ZBTB20: variants seen among roughly 807,000 people sequenced by gnomAD.
ZBTB20 encodes the protein zinc finger and BTB domain-containing protein 20.
ZBTB20 carries 9 observed loss-of-function variants against 56.9 expected under a neutral mutation model. The ratio of observed to expected loss-of-function variants is 0.16; its 90% CI spans 0.10 to 0.28. The LOEUF (loss-of-function observed/expected upper bound fraction) is 0.28. ZBTB20 is among the 10% of genes least tolerant of loss of function. The probability of loss-of-function intolerance (pLI) is 1.00; values close to 1 mark genes in which losing one functional copy is unlikely to be tolerated. For missense variants in ZBTB20, 655 were observed against 1,003.0 expected (o/e 0.65, Z 4.69); for synonymous variants, 417 against 420.7 (o/e 0.99, Z 0.11).
At chr3:115,128,742 A>G (rs1419142680) in intron 1 of ZBTB20, among the ~76,000 whole-genome samples, 15 of 68,688 alleles carry the variant, frequency 2.2e-4, no homozygotes, top group African/African-American at 6.2e-4. Flanking sequence ...GAGGGGAGGG[A>G]AGGGGAGGGG....
chr3:114,765,351 T>G (rs1427366084), intron 5 of ZBTB20, among the ~76,000 whole-genome samples: 2 of 152,168 alleles, frequency 1.3e-5, no homozygotes, highest in Non-Finnish European at 2.9e-5. Flanking sequence ...GTATGACTTA[T>G]GCCTGTAGAG....
At chr3:114,614,055 G>T (rs1450511914) in intron 6 of ZBTB20, among the ~76,000 whole-genome samples, 1 of 152,038 alleles carries the variant, frequency 6.6e-6, no homozygotes, top group Non-Finnish European at 1.5e-5. Context: ...TTTTCTTAAG[G>T]TTACAGTGTT....
chr3:114,631,418 C>T (rs1166106539), intron 6 of ZBTB20, among the ~76,000 whole-genome samples: 4 of 59,406 alleles, frequency 6.7e-5, no homozygotes, highest in South Asian at 5.6e-4. Context: ...TTTGAGATGG[C>T]GTCTTGCTCT....
intron 2 of ZBTB20, among the ~76,000 whole-genome samples, chr3:114,987,735 T>C (rs2078608008): frequency 6.6e-6 from 1 of 152,154 alleles, no homozygotes; most frequent in African/African-American, 2.4e-5. Flanking sequence ...AATTTCTCCC[T>C]GTAGACATGA....
intron 2 of ZBTB20, among the ~76,000 whole-genome samples, chr3:115,054,297 G>A (rs1447409340): frequency 6.6e-6 from 1 of 151,996 alleles, no homozygotes; most frequent in Non-Finnish European, 1.5e-5. Context: ...GTATTTCCAG[G>A]AAAGCGCTGA....
chr3:114,945,769 TTAA>T (rs1404229312), intron 3 of ZBTB20, among the ~76,000 whole-genome samples: 3 of 145,226 alleles, frequency 2.1e-5, no homozygotes, highest in Non-Finnish European at 3.0e-5. Context: ...AAAATCACCA[TTAA>T]TAATATGCTA....
chr3:114,880,502 G>A (rs2076359810), intron 4 of ZBTB20, among the ~76,000 whole-genome samples: 1 of 152,140 alleles, frequency 6.6e-6, no homozygotes, highest in Admixed American at 6.5e-5. Flanking sequence ...ACAGCAATGT[G>A]TAAATGGTAT....
At chr3:114,991,892 T>G (rs7626459) in intron 2 of ZBTB20, among the ~76,000 whole-genome samples, 147,763 of 152,002 alleles carry the variant, frequency 0.97, 71,973 homozygotes, top group East Asian at 1. Context: ...CTTTGTTGGT[T>G]TAAAGTCTGT....
At chr3:114,683,873 A>C (rs2062148245) in intron 6 of ZBTB20, among the ~76,000 whole-genome samples, 1 of 152,134 alleles carries the variant, frequency 6.6e-6, no homozygotes, top group South Asian at 2.1e-4. Flanking sequence ...CTGAGGGACT[A>C]TGACAGGATT....
At chr3:114,742,636 A>G (rs2066694655) in intron 5 of ZBTB20, among the ~76,000 whole-genome samples, 2 of 152,236 alleles carry the variant, frequency 1.3e-5, no homozygotes, top group South Asian at 4.1e-4. Context: ...CCAAGGTTGC[A>G]TAGTAACTAA....
At chr3:114,579,501 C>T (rs1271503169) in intron 6 of ZBTB20, among the ~76,000 whole-genome samples, 1 of 149,186 alleles carries the variant, frequency 6.7e-6, no homozygotes, top group Non-Finnish European at 1.5e-5. Context: ...GGTAATAATT[C>T]AATTCAAGAA....
chr3:114,869,913 CATGTG>C (rs1239257317), intron 4 of ZBTB20, among the ~76,000 whole-genome samples: 5 of 152,098 alleles, frequency 3.3e-5, no homozygotes, highest in Non-Finnish European at 7.4e-5. Flanking sequence ...CTAAATTGGA[CATGTG>C]ATAATACATA....
intron 4 of ZBTB20, among the ~76,000 whole-genome samples, chr3:114,860,475 T>C (rs948667386): frequency 6.6e-6 from 1 of 152,164 alleles, no homozygotes; most frequent in South Asian, 2.1e-4. Context: ...GTTGTCATAA[T>C]GTAAGAAGTG....
chr3:114,810,569 G>C (rs2072446685), intron 4 of ZBTB20, among the ~76,000 whole-genome samples: 1 of 152,108 alleles, frequency 6.6e-6, no homozygotes, highest in Non-Finnish European at 1.5e-5. Flanking sequence ...AGCACTCCCG[G>C]CTAAAACACT....
At chr3:114,639,758 T>C (rs1194916927) in intron 6 of ZBTB20, among the ~76,000 whole-genome samples, 1 of 152,064 alleles carries the variant, frequency 6.6e-6, no homozygotes, top group Non-Finnish European at 1.5e-5. Flanking sequence ...TCCCTCTCTG[T>C]CTCTATCATT....
chr3:115,053,688 AAT>A (rs1423043491), intron 2 of ZBTB20, among the ~76,000 whole-genome samples: 1 of 152,134 alleles, frequency 6.6e-6, no homozygotes, highest in Non-Finnish European at 1.5e-5. Context: ...TTCTTTCTAT[AAT>A]TTAAGAATTT....
At chr3:115,081,996 A>G (rs1268701187) in intron 1 of ZBTB20, among the ~76,000 whole-genome samples, 1 of 152,192 alleles carries the variant, frequency 6.6e-6, no homozygotes, top group Non-Finnish European at 1.5e-5. Context: ...TATATTCACA[A>G]GTGGCTTCTG....
chr3:114,934,826 T>G (rs1353910062), intron 3 of ZBTB20, among the ~76,000 whole-genome samples: 1 of 152,240 alleles, frequency 6.6e-6, no homozygotes, highest in Non-Finnish European at 1.5e-5. Flanking sequence ...TACTGGCTTT[T>G]AACATATAAT....
intron 2 of ZBTB20, among the ~76,000 whole-genome samples, chr3:114,999,773 ATT>A (rs1265991718): frequency 2.6e-5 from 4 of 151,704 alleles, no homozygotes; most frequent in Non-Finnish European, 4.4e-5. Context: ...TTCAGCTATC[ATT>A]GTTTTTTAAC....
Sources: allele counts gnomAD v4.1 joint callset (sites outside exome capture counted in the v4.1 genomes callset), GRCh38; gene constraint gnomAD v4.1.1; transcripts MANE v1.5; gene names NCBI Gene and HGNC (gene_info 2026-07-23, HGNC 2026-07-21).